The following ARB2A variants were observed in gnomAD, a reference collection of about 807,000 sequenced individuals.
ARB2A encodes cotranscriptional regulator ARB2A.
the ARB2A span, among the ~76,000 whole-genome samples, chr5:93,761,140 G>T: frequency 2.8e-3 from 419 of 152,306 alleles, 3 homozygotes; most frequent in African/African-American, 9.7e-3. Context: ...CGACGCAGAA[G>T]ACGGGTGATT....
the ARB2A span, among the ~76,000 whole-genome samples, chr5:94,040,576 T>G: frequency 6.7e-6 from 1 of 149,760 alleles, no homozygotes; most frequent in Non-Finnish European, 1.5e-5. Flanking sequence ...ATTGTTCAAT[T>G]CCCACCTATG....
the ARB2A span, among the ~76,000 whole-genome samples, chr5:94,039,717 T>G: frequency 6.6e-6 from 1 of 152,166 alleles, no homozygotes; most frequent in Non-Finnish European, 1.5e-5. Flanking sequence ...TCCTGGGGTC[T>G]GGATCAGGAC....
the ARB2A span, chr5:93,964,536 G>C: frequency 6.5e-7 from 1 of 1,543,366 alleles, no homozygotes; most frequent in Non-Finnish European, 8.8e-7. Context: ...AAGTAGGAAA[G>C]AAATAACACA....
At chr5:93,708,730 C>T in the ARB2A span, among the ~76,000 whole-genome samples, 5 of 151,984 alleles carry the variant, frequency 3.3e-5, no homozygotes, top group African/African-American at 7.2e-5. Context: ...TGGGGAACCT[C>T]GCTCTGCACC....
At chr5:93,997,168 T>C in the ARB2A span, among the ~76,000 whole-genome samples, 2 of 152,066 alleles carry the variant, frequency 1.3e-5, no homozygotes. Context: ...CAATATGCTA[T>C]GATTTTCATT....
At chr5:94,015,679 G>T in the ARB2A span, among the ~76,000 whole-genome samples, 1 of 151,870 alleles carries the variant, frequency 6.6e-6, no homozygotes, top group Non-Finnish European at 1.5e-5. Context: ...TTAAAATGAA[G>T]AATTGTTTAT....
At chr5:93,784,415 C>T in the ARB2A span, 2 of 1,613,430 alleles carry the variant, frequency 1.2e-6, no homozygotes, top group East Asian at 2.2e-5. Flanking sequence ...GTTTTGCCAG[C>T]TTCTTGATGC....
chr5:93,842,486 C>T, the ARB2A span, among the ~76,000 whole-genome samples: 1 of 152,138 alleles, frequency 6.6e-6, no homozygotes, highest in Non-Finnish European at 1.5e-5. Flanking sequence ...ATTATCTCCA[C>T]AAACCCCCTA....
the ARB2A span, among the ~76,000 whole-genome samples, chr5:93,713,429 C>G: frequency 6.6e-6 from 1 of 151,994 alleles, no homozygotes; most frequent in East Asian, 1.9e-4. Context: ...AGAAGACATA[C>G]AGATGGCCAA....
chr5:93,711,812 A>G, the ARB2A span, among the ~76,000 whole-genome samples: 10 of 152,252 alleles, frequency 6.6e-5, no homozygotes, highest in Non-Finnish European at 1.5e-4. Flanking sequence ...TTTACAGTAG[A>G]AGGACAGAAA....
At chr5:94,045,353 TTTC>T in the ARB2A span, among the ~76,000 whole-genome samples, 1 of 152,058 alleles carries the variant, frequency 6.6e-6, no homozygotes, top group East Asian at 1.9e-4. Flanking sequence ...CCCTGAATTC[TTTC>T]TTATGTGACA....
the ARB2A span, among the ~76,000 whole-genome samples, chr5:94,074,199 C>G: frequency 6.6e-6 from 1 of 152,060 alleles, no homozygotes; most frequent in African/African-American, 2.4e-5. Flanking sequence ...ATTTCCATAA[C>G]AATGTCTAAC....
the ARB2A span, among the ~76,000 whole-genome samples, chr5:93,779,247 T>C: frequency 2.6e-5 from 4 of 152,194 alleles, no homozygotes; most frequent in Admixed American, 6.5e-5. Context: ...AATAAACATA[T>C]GCAAAGAAAG....
chr5:93,882,623 G>C, the ARB2A span, among the ~76,000 whole-genome samples: 2 of 151,426 alleles, frequency 1.3e-5, no homozygotes, highest in African/African-American at 4.8e-5. Context: ...AAAATATAGA[G>C]AGGGATAAAC....
the ARB2A span, among the ~76,000 whole-genome samples, chr5:93,827,775 A>T: frequency 8.4e-4 from 127 of 151,800 alleles, 1 homozygote; most frequent in African/African-American, 1.9e-3. Flanking sequence ...ATTTTTGTAT[A>T]AGGTGTAAGG....
the ARB2A span, among the ~76,000 whole-genome samples, chr5:93,638,373 A>G: frequency 6.6e-6 from 1 of 152,230 alleles, no homozygotes; most frequent in Non-Finnish European, 1.5e-5. Context: ...TTAAACTTAT[A>G]TATCAATTTG....
At chr5:93,792,908 T>G in the ARB2A span, among the ~76,000 whole-genome samples, 1 of 151,812 alleles carries the variant, frequency 6.6e-6, no homozygotes, top group Non-Finnish European at 1.5e-5. Context: ...ATTCTGAGTA[T>G]TTATATATAG....
chr5:94,005,298 G>T, the ARB2A span, among the ~76,000 whole-genome samples: 48 of 152,146 alleles, frequency 3.2e-4, no homozygotes, highest in South Asian at 6.2e-4. Flanking sequence ...TTGCCTTTTG[G>T]GTTCAAGCAA....
the ARB2A span, among the ~76,000 whole-genome samples, chr5:93,905,300 A>G: frequency 6.6e-6 from 1 of 151,662 alleles, no homozygotes; most frequent in Admixed American, 6.6e-5. Flanking sequence ...AATGACAAGT[A>G]GTTAAACAAA....
Sources: allele counts gnomAD v4.1 joint callset (sites outside exome capture counted in the v4.1 genomes callset), GRCh38; gene constraint gnomAD v4.1.1; transcripts MANE v1.5; gene names NCBI Gene and HGNC (gene_info 2026-07-23, HGNC 2026-07-21).